Variants in XRCC4 observed in about 807,000 individuals in gnomAD.
XRCC4 encodes the protein X-ray repair cross complementing 4.
Under a neutral mutation model 39.1 loss-of-function variants are expected in XRCC4, and 28 were observed. The ratio of observed to expected loss-of-function variants is 0.72; its 90% CI spans 0.53 to 0.98. XRCC4 has a LOEUF of 0.98. XRCC4 is among the 50% of genes least tolerant of loss of function. The pLI is 0.00. For synonymous variants in XRCC4, 123 were observed against 126.4 expected (o/e 0.97, Z 0.18); for missense variants, 350 against 376.4 (o/e 0.93, Z 0.58).
At chr5:83,182,406 C>G (rs2112655505) in intron 3 of XRCC4, among the ~76,000 whole-genome samples, 1 of 152,168 alleles carries the variant, frequency 6.6e-6, no homozygotes, top group African/African-American at 2.4e-5. Context: ...CTCCCAAAAA[C>G]CAAACATCTA....
chr5:83,357,489 C>T (rs1251094298), downstream of XRCC4, among the ~76,000 whole-genome samples: 1 of 152,034 alleles, frequency 6.6e-6, no homozygotes, highest in African/African-American at 2.4e-5. Context: ...CGACTATCTT[C>T]CTCGGATCAC....
At chr5:83,172,525 G>A (rs537651562) in intron 3 of XRCC4, among the ~76,000 whole-genome samples, 174 of 152,240 alleles carry the variant, frequency 1.1e-3, no homozygotes, top group African/African-American at 4.0e-3. Context: ...GAAGGATGAA[G>A]TTTATAGTGC....
intron 7 of XRCC4, among the ~76,000 whole-genome samples, chr5:83,350,547 G>A (rs1477141728): frequency 6.6e-6 from 1 of 151,834 alleles, no homozygotes; most frequent in Non-Finnish European, 1.5e-5. Flanking sequence ...TCATATGTTT[G>A]TTGGTTGCTT....
At chr5:83,096,570 A>T (rs1379466465) in intron 1 of XRCC4, among the ~76,000 whole-genome samples, 1 of 152,140 alleles carries the variant, frequency 6.6e-6, no homozygotes, top group Non-Finnish European at 1.5e-5. Context: ...TGGCCTTCCT[A>T]AGTCTTGGGC....
chr5:83,227,429 C>A (rs2112805968), intron 6 of XRCC4, among the ~76,000 whole-genome samples: 1 of 152,086 alleles, frequency 6.6e-6, no homozygotes, highest in Middle Eastern at 3.4e-3. Flanking sequence ...TACAAAAATG[C>A]CCAAACTAGT....
chr5:83,181,881 C>T (rs28360107), intron 3 of XRCC4, among the ~76,000 whole-genome samples: 4,358 of 152,134 alleles, frequency 0.029, 168 homozygotes, highest in African/African-American at 0.085. Context: ...GTGCCTGTAG[C>T]GCCAGGGTAT....
At chr5:83,123,676 G>T (rs1747119895) in intron 3 of XRCC4, among the ~76,000 whole-genome samples, 1 of 151,570 alleles carries the variant, frequency 6.6e-6, no homozygotes. Flanking sequence ...TAGTTATCTT[G>T]TTATCTATAA....
chr5:83,370,918 T>C, the XRCC4 span, among the ~76,000 whole-genome samples: 3 of 152,282 alleles, frequency 2.0e-5, no homozygotes, highest in South Asian at 4.1e-4. Flanking sequence ...TCCATCTCCA[T>C]ATTCTTCATT....
chr5:83,153,587 G>T (rs1235635890), intron 3 of XRCC4, among the ~76,000 whole-genome samples: 5 of 152,160 alleles, frequency 3.3e-5, no homozygotes, highest in Non-Finnish European at 7.3e-5. Context: ...TTAGCCATCA[G>T]TGCGCACCTT....
intron 7 of XRCC4, among the ~76,000 whole-genome samples, chr5:83,270,591 A>G (rs1380843243): frequency 1.3e-5 from 2 of 151,860 alleles, no homozygotes; most frequent in East Asian, 1.9e-4. Flanking sequence ...AAATTGGATT[A>G]TATCTTTATA....
chr5:83,119,166 T>G (rs992996615), intron 3 of XRCC4, among the ~76,000 whole-genome samples: 1 of 152,176 alleles, frequency 6.6e-6, no homozygotes, highest in Non-Finnish European at 1.5e-5. Flanking sequence ...GTCCCTGTGG[T>G]TTCAGGGACT....
At chr5:83,121,809 G>A (rs891577461) in intron 3 of XRCC4, among the ~76,000 whole-genome samples, 2 of 151,956 alleles carry the variant, frequency 1.3e-5, no homozygotes, top group Non-Finnish European at 2.9e-5. Context: ...ATGCATGAGC[G>A]CTATAGTTTT....
At position 83,203,714 on chromosome 5, in the gene XRCC4, T is replaced by C. The variant is rs781765759; in HGVS notation, c.638+7T>C. The C allele has an allele frequency of 1.2e-6, 2 of 1,608,078 alleles. No homozygotes were observed. The highest frequency in any genetic ancestry group is 4.5e-5 in the East Asian group (2 of 44,544). On this transcript the variant is annotated splice_region_variant and intron_variant, in intron 5 of 7. Transcript: ENST00000396027. The stretch of plus-strand genomic sequence containing the variant: ...AGGACATCAAACAAGAAGGGTATTT[T>C]CGCTATCTTGTTTTTGGATGACAGA...
downstream of XRCC4, among the ~76,000 whole-genome samples, chr5:83,356,161 C>G (rs1757187886): frequency 6.6e-6 from 1 of 151,988 alleles, no homozygotes. Context: ...CACTTTGGAA[C>G]TTCACTGTAA....
chr5:83,263,666 T>C (rs1753846216), intron 7 of XRCC4, among the ~76,000 whole-genome samples: 1 of 151,552 alleles, frequency 6.6e-6, no homozygotes, highest in South Asian at 2.1e-4. Flanking sequence ...TCTGTTCATG[T>C]CCTTCGCCCA....
At position 83,217,360 on chromosome 5, in the gene XRCC4, A is replaced by G. The variant is rs184696169; in HGVS notation, c.745+12439A>G. On this transcript the variant is annotated intron_variant, in intron 6 of 7. Transcript: ENST00000396027. ...CAGCGCAGAGCAAGACTCCGTCTCA[A>G]AAAAAAAAAAAAAAAAACCATTGCG... Among the ~76,000 whole-genome samples, 403 of 149,432 alleles carry G rather than the reference A, an allele frequency of 2.7e-3. 10 individuals carry two copies. In the East Asian group the frequency reaches 0.067, roughly 25 times the overall value.
chr5:83,122,786 TC>T (rs1286459065), intron 3 of XRCC4, among the ~76,000 whole-genome samples: 1 of 152,160 alleles, frequency 6.6e-6, no homozygotes, highest in African/African-American at 2.4e-5. Context: ...TTCATTTTAG[TC>T]CTCACCCTTG....
chr5:83,206,900 A>G (rs1461014836), intron 6 of XRCC4, among the ~76,000 whole-genome samples: 1 of 152,114 alleles, frequency 6.6e-6, no homozygotes, highest in Non-Finnish European at 1.5e-5. Flanking sequence ...AGGCACAGGA[A>G]AGTATCTAAC....
intron 7 of XRCC4, chr5:83,280,568 C>T (rs548980852): frequency 4.0e-5 from 20 of 501,646 alleles, no homozygotes; most frequent in African/African-American, 1.6e-4. Flanking sequence ...GCCCACACTC[C>T]GACCACTGTA....
Sources: allele counts gnomAD v4.1 joint callset (sites outside exome capture counted in the v4.1 genomes callset), GRCh38; gene constraint gnomAD v4.1.1; transcripts MANE v1.5; gene names NCBI Gene and HGNC (gene_info 2026-07-23, HGNC 2026-07-21).